Variants in RBPMS observed in about 807,000 individuals in gnomAD.
The protein encoded by RBPMS is RNA-binding protein with multiple splicing.
A neutral mutation model predicts 26.8 loss-of-function variants in RBPMS; 7 were observed. That is an observed-to-expected ratio of 0.26 (90% CI 0.15 to 0.49). The LOEUF is 0.49. RBPMS is among the 20% of genes least tolerant of loss of function. The pLI, the probability that RBPMS is intolerant of heterozygous loss-of-function variation, is 0.98. For missense variants in RBPMS, 186 were observed against 250.0 expected (o/e 0.74, Z 1.73); for synonymous variants, 96 against 93.3 (o/e 1.03, Z -0.17).
chr8:30,540,170 T>A (rs1331146206), intron 5 of RBPMS, among the ~76,000 whole-genome samples: 2 of 151,908 alleles, frequency 1.3e-5, no homozygotes, highest in Non-Finnish European at 2.9e-5. Flanking sequence ...AAGTAACTGA[T>A]GAGTAAGAGT....
chr8:30,564,610 C>G (rs539519279), intron 7 of RBPMS: 1 of 152,666 alleles, frequency 6.6e-6, no homozygotes, highest in Non-Finnish European at 1.5e-5. Flanking sequence ...AACTGCAGCC[C>G]CCCAACCTGC....
At chr8:30,437,790 CAAAAA>C (rs11290191) in intron 1 of RBPMS, among the ~76,000 whole-genome samples, 1 of 106,238 alleles carries the variant, frequency 9.4e-6, no homozygotes, top group Non-Finnish European at 1.9e-5. Context: ...GACTCCATCT[CAAAAA>C]AAAAAAAAAA....
At chr8:30,492,142 C>G (rs933212143) in intron 4 of RBPMS, among the ~76,000 whole-genome samples, 1 of 152,122 alleles carries the variant, frequency 6.6e-6, no homozygotes, top group Admixed American at 6.5e-5. Context: ...TCCACCTGCC[C>G]CGGCCTCCCA....
At chr8:30,386,201 G>A (rs896640339) in intron 1 of RBPMS, among the ~76,000 whole-genome samples, 2 of 152,208 alleles carry the variant, frequency 1.3e-5, no homozygotes, top group African/African-American at 4.8e-5. Context: ...AAGGTAAACG[G>A]ATTCTAAAGC....
In RBPMS at chr8:30,431,153, G is replaced by A. The variant is rs539951976; in HGVS notation, c.67-43626G>A. On this transcript the variant is annotated intron_variant, in intron 1 of 8. Transcript: ENST00000397323. Reference sequence around the variant, plus strand: ...TTCTACATATACTGGGGAGCACATGGTATAACTGGCAGAGTGTATCCAGGG... The same window carrying A: ...TTCTACATATACTGGGGAGCACATGATATAACTGGCAGAGTGTATCCAGGG... 2.7e-4 allele frequency among the ~76,000 whole-genome samples: 41 copies of A among 152,236 alleles called. 1 individual carries two copies. The highest frequency in any genetic ancestry group is 9.6e-4 in the African/African-American group (40 of 41,536).
rs370802180 is a variant in RBPMS, at chr8:30,436,925, C to CT, written c.67-37839dup. On this transcript the variant is annotated intron_variant, in intron 1 of 8. Coordinates refer to ENST00000397323, the MANE Select transcript of RBPMS (RefSeq NM_001008710.3). ...CACTCCCTTGTCGTGATATATGTAG[C>CT]TTTTTTTTTTTTTTTGAGAGGGAGT... Among the ~76,000 whole-genome samples, 726 of 140,004 alleles carry CT rather than the reference C, an allele frequency of 5.2e-3. 17 individuals carry two copies. Among genetic ancestry groups the CT allele is most frequent in the African/African-American group, 0.013 (488 of 37,328 alleles). 91.8% of individuals were successfully genotyped at this position (140,004 alleles called of 152,430 possible). A position where few individuals can be genotyped will look rare whatever the true frequency, so the allele number is the denominator to read the frequency against.
At chr8:30,556,504 C>G (rs1390193744) in intron 6 of RBPMS, 1 of 985,988 alleles carries the variant, frequency 1.0e-6, no homozygotes, top group Non-Finnish European at 1.2e-6. Flanking sequence ...CCCCGGGCAG[C>G]CCTCCCCCTC....
At chr8:30,468,372 C>T (rs902411195) in intron 1 of RBPMS, among the ~76,000 whole-genome samples, 1 of 152,106 alleles carries the variant, frequency 6.6e-6, no homozygotes, top group Non-Finnish European at 1.5e-5. Flanking sequence ...CTATCTCTTA[C>T]ATTTTTCTCC....
intron 1 of RBPMS, among the ~76,000 whole-genome samples, chr8:30,437,047 C>T (rs1249653966): frequency 4.6e-5 from 7 of 151,606 alleles, no homozygotes; most frequent in Non-Finnish European, 7.4e-5. Context: ...CTCAGCCTCC[C>T]GAGTAGCTGG....
At chr8:30,409,715 C>T (rs1216275441) in intron 1 of RBPMS, among the ~76,000 whole-genome samples, 2 of 152,060 alleles carry the variant, frequency 1.3e-5, no homozygotes, top group Non-Finnish European at 2.9e-5. Flanking sequence ...TCACCACAAC[C>T]TCTGACTCCC....
At chr8:30,456,665 G>A (rs1305868249) in intron 1 of RBPMS, among the ~76,000 whole-genome samples, 1 of 152,180 alleles carries the variant, frequency 6.6e-6, no homozygotes, top group Non-Finnish European at 1.5e-5. Flanking sequence ...GGCCTTGCAA[G>A]AGTGATTGAG....
chr8:30,443,198 C>T (rs570085967), intron 1 of RBPMS, among the ~76,000 whole-genome samples: 1 of 152,070 alleles, frequency 6.6e-6, no homozygotes, highest in South Asian at 2.1e-4. Context: ...TATTGGAATC[C>T]GTTGGCCCAA....
intron 4 of RBPMS, among the ~76,000 whole-genome samples, chr8:30,492,285 C>T (rs1362140369): frequency 6.6e-6 from 1 of 152,198 alleles, no homozygotes; most frequent in Non-Finnish European, 1.5e-5. Flanking sequence ...AGCACTTTCA[C>T]ACATGCATGC....
At chr8:30,500,901 T>G (rs934604006) in intron 4 of RBPMS, among the ~76,000 whole-genome samples, 1 of 152,112 alleles carries the variant, frequency 6.6e-6, no homozygotes, top group Non-Finnish European at 1.5e-5. Flanking sequence ...TGGTTTCATA[T>G]CTGATCTGTT....
intron 4 of RBPMS, among the ~76,000 whole-genome samples, chr8:30,494,431 C>T (rs368786737): frequency 2.6e-5 from 4 of 151,812 alleles, no homozygotes; most frequent in African/African-American, 7.2e-5. Flanking sequence ...GGCATTAATC[C>T]GGCCATTTAC....
intron 4 of RBPMS, among the ~76,000 whole-genome samples, chr8:30,486,659 C>A (rs1585629193): frequency 6.6e-6 from 1 of 151,656 alleles, no homozygotes; most frequent in East Asian, 1.9e-4. Flanking sequence ...ATAAAAGAAT[C>A]TCAAGGAAGT....
intron 5 of RBPMS, among the ~76,000 whole-genome samples, chr8:30,533,903 G>A (rs1321590698): frequency 6.6e-6 from 1 of 152,130 alleles, no homozygotes; most frequent in Non-Finnish European, 1.5e-5. Context: ...GGAGGCCTAG[G>A]TGGGTGAATC....
At chr8:30,540,481 G>A (rs918188199) in intron 5 of RBPMS, among the ~76,000 whole-genome samples, 1 of 152,150 alleles carries the variant, frequency 6.6e-6, no homozygotes, top group Non-Finnish European at 1.5e-5. Flanking sequence ...GAAGTGTAGT[G>A]GCACAGTCAG....
At chr8:30,420,157 G>A (rs1810588746) in intron 1 of RBPMS, among the ~76,000 whole-genome samples, 2 of 151,926 alleles carry the variant, frequency 1.3e-5, no homozygotes, top group Non-Finnish European at 2.9e-5. Context: ...GAGCTTGGGA[G>A]GTTGAGGCTG....
Sources: allele counts gnomAD v4.1 joint callset (sites outside exome capture counted in the v4.1 genomes callset), GRCh38; gene constraint gnomAD v4.1.1; transcripts MANE v1.5; gene names NCBI Gene and HGNC (gene_info 2026-07-23, HGNC 2026-07-21).